Variants in PRKCA observed in about 807,000 individuals in gnomAD.
PRKCA encodes protein kinase C alpha, also known as protein kinase C alpha type.
In PRKCA, 27 loss-of-function variants were observed where a neutral mutation model predicts 87.0. The ratio of observed to expected loss-of-function variants is 0.31; its 90% CI spans 0.23 to 0.43. The LOEUF is 0.43. PRKCA is among the 20% of genes least tolerant of loss of function. PRKCA has a pLI of 1.00. For missense variants in PRKCA, 518 were observed against 852.3 expected (o/e 0.61, Z 4.88); for synonymous variants, 329 against 311.1 (o/e 1.06, Z -0.61).
Position 66,303,051 on chromosome 17 carries a change from C to G in PRKCA, c.173+27C>G, listed in dbSNP as rs555551323. The stretch of plus-strand genomic sequence containing the variant: ...TAGGTGCCGGGCCGGGCACTCCTGC[C>G]CCGCTCCTCCCCGCCTCCGGGTCCC... On this transcript the variant is annotated intron_variant, in intron 1 of 16. Coordinates refer to ENST00000413366, the MANE Select transcript of PRKCA (RefSeq NM_002737.3). 4 of 1,586,626 alleles carry G rather than the reference C, an allele frequency of 2.5e-6. No individual in the cohort carries two copies. The East Asian group carries it at 9.7e-5, about 38-fold the overall frequency.
chr17:66,582,904 A>G lies in PRKCA; in HGVS notation c.289-58451A>G, dbSNP rs540910452. The stretch of plus-strand genomic sequence containing the variant: ...TGAGCCCCGTGTGACCTAGGAAGTC[A>G]GCAGCACAGACTTTGGGGCCAGATA... On this transcript the variant is annotated intron_variant, in intron 3 of 16. Transcript: ENST00000413366. Among the ~76,000 whole-genome samples the G allele has an allele frequency of 2.4e-4, 37 of 152,296 alleles. No homozygotes were observed. The Middle Eastern group carries it at 0.017, about 70-fold the overall frequency.
intron 2 of PRKCA, among the ~76,000 whole-genome samples, chr17:66,463,472 TG>T (rs1280449197): frequency 1.3e-5 from 2 of 152,164 alleles, no homozygotes; most frequent in East Asian, 3.9e-4. Flanking sequence ...CTCGGCTCAC[TG>T]CAACCTCCGC....
intron 2 of PRKCA, among the ~76,000 whole-genome samples, chr17:66,390,507 G>A (rs1194500858): frequency 6.6e-6 from 1 of 152,152 alleles, no homozygotes; most frequent in Non-Finnish European, 1.5e-5. Flanking sequence ...TTCCACAGAT[G>A]TGTTTCTCTC....
intron 2 of PRKCA, among the ~76,000 whole-genome samples, chr17:66,348,963 T>C (rs1375924116): frequency 6.6e-6 from 1 of 152,066 alleles, no homozygotes; most frequent in Non-Finnish European, 1.5e-5. Flanking sequence ...GTATCAAGGG[T>C]TTGGTTGAGG....
chr17:66,620,158 A>C (rs1970635154), intron 3 of PRKCA, among the ~76,000 whole-genome samples: 2 of 152,210 alleles, frequency 1.3e-5, no homozygotes, highest in South Asian at 4.1e-4. Context: ...CAAAGAAATT[A>C]TCCATGCCGC....
intron 5 of PRKCA, among the ~76,000 whole-genome samples, chr17:66,661,173 C>G (rs1167054668): frequency 1.3e-5 from 2 of 152,166 alleles, no homozygotes; most frequent in African/African-American, 2.4e-5. Context: ...ACAGCTTCGC[C>G]TCTTGCAGCT....
At chr17:66,765,416 G>GTATATATATA (rs1276368624) in intron 13 of PRKCA, among the ~76,000 whole-genome samples, 5 of 16,032 alleles carry the variant, frequency 3.1e-4, no homozygotes, top group Admixed American at 1.6e-3. Flanking sequence ...GCAAGACTTT[G>GTATATATATA]TCTATATATA....
chr17:66,355,033 A>G (rs924408126), intron 2 of PRKCA, among the ~76,000 whole-genome samples: 6 of 152,250 alleles, frequency 3.9e-5, no homozygotes, highest in Non-Finnish European at 7.3e-5. Flanking sequence ...GGGCGAAAAC[A>G]GAGTGAACGT....
At chr17:66,459,459 A>C (rs1914740352) in intron 2 of PRKCA, among the ~76,000 whole-genome samples, 1 of 152,232 alleles carries the variant, frequency 6.6e-6, no homozygotes, top group South Asian at 2.1e-4. Flanking sequence ...GTAAAAAAGT[A>C]TATAGTAGAA....
intron 3 of PRKCA, among the ~76,000 whole-genome samples, chr17:66,554,948 C>T (rs1968451650): frequency 6.6e-6 from 1 of 150,656 alleles, no homozygotes; most frequent in East Asian, 1.9e-4. Flanking sequence ...GGCACGATCT[C>T]AGCTCACTGC....
At chr17:66,733,006 C>T (rs1463443850) in intron 9 of PRKCA, among the ~76,000 whole-genome samples, 181 bp downstream of exon 9, 1 of 152,062 alleles carries the variant, frequency 6.6e-6, no homozygotes, top group African/African-American at 2.4e-5. Flanking sequence ...AAAAAATTAG[C>T]TGGGCATGGT....
chr17:66,552,656 A>T (rs1342042955), intron 3 of PRKCA, among the ~76,000 whole-genome samples: 1 of 152,316 alleles, frequency 6.6e-6, no homozygotes, highest in Non-Finnish European at 1.5e-5. Context: ...CTGTCAGGAG[A>T]GAACTACCAG....
intron 2 of PRKCA, among the ~76,000 whole-genome samples, chr17:66,447,752 C>G (rs1914107538): frequency 6.6e-6 from 1 of 152,234 alleles, no homozygotes; most frequent in African/African-American, 2.4e-5. Flanking sequence ...TGTGCTCCAT[C>G]CCCACCTCCG....
chr17:66,647,403 T>G (rs1206659288), intron 5 of PRKCA, among the ~76,000 whole-genome samples: 1 of 152,204 alleles, frequency 6.6e-6, no homozygotes, highest in Non-Finnish European at 1.5e-5. Context: ...ATTATGGGTT[T>G]ACATGTGGCT....
rs1909707661 is a variant in PRKCA at position 66,380,298 on chromosome 17, G to A, written c.205+74171G>A. On this transcript the variant is annotated intron_variant, in intron 2 of 16. Transcript: ENST00000413366. The stretch of plus-strand genomic sequence containing the variant: ...TGTCTGCCCATACATACATATGTTC[G>A]GATGTGTAGGTACAATTTCTGTAGT... Among the ~76,000 whole-genome samples, 3 of 151,778 alleles carry A rather than the reference G, an allele frequency of 2.0e-5. No homozygotes were observed. The South Asian group carries it at 6.2e-4, about 32-fold the overall frequency.
intron 8 of PRKCA, among the ~76,000 whole-genome samples, chr17:66,729,181 G>T (rs1484906910): frequency 6.6e-6 from 1 of 152,084 alleles, no homozygotes; most frequent in Non-Finnish European, 1.5e-5. Flanking sequence ...GGAGGCCGAG[G>T]CAGATGGATC....
At chr17:66,535,721 T>C (rs1967756201) in intron 3 of PRKCA, among the ~76,000 whole-genome samples, 2 of 152,346 alleles carry the variant, frequency 1.3e-5, no homozygotes, top group South Asian at 4.1e-4. Context: ...ACCTGGTCAC[T>C]ATCTCTGTTC....
chr17:66,499,869 T>G (rs1330256938), intron 3 of PRKCA, among the ~76,000 whole-genome samples: 2 of 152,208 alleles, frequency 1.3e-5, no homozygotes, highest in African/African-American at 4.8e-5. Context: ...CAAAAGATCA[T>G]GCATTCACAC....
Position 66,302,787 on chromosome 17 carries a change from C to G in PRKCA, c.-65C>G. ...GAGCCCGCACCTCTCCCCCGCCGCC[C>G]CCGCCCACCCGGCCCTCCGCGGCCG... is the stretch of plus-strand genomic sequence containing the variant. On this transcript the variant is annotated 5_prime_UTR_variant, in exon 1 of 17. Coordinates refer to ENST00000413366, the MANE Select transcript of PRKCA (RefSeq NM_002737.3). 1 of 1,393,074 alleles carries G rather than the reference C, an allele frequency of 7.2e-7. No individual in the cohort carries two copies. The highest frequency in any genetic ancestry group is 1.4e-5 in the South Asian group (1 of 69,332). The allele number at this position is 1,393,074 out of a possible 1,614,324, so 86.3% of individuals were successfully genotyped here. A position where few individuals can be genotyped will look rare whatever the true frequency, so the allele number is the denominator to read the frequency against.
Sources: allele counts gnomAD v4.1 joint callset (sites outside exome capture counted in the v4.1 genomes callset), GRCh38; gene constraint gnomAD v4.1.1; transcripts MANE v1.5; gene names NCBI Gene and HGNC (gene_info 2026-07-23, HGNC 2026-07-21).